ADAMTS17: variants seen among roughly 807,000 people sequenced by gnomAD.
The protein encoded by ADAMTS17 is ADAM metallopeptidase with thrombospondin type 1 motif 17, also known as A disintegrin and metalloproteinase with thrombospondin motifs 17.
ADAMTS17 carries 113 observed loss-of-function variants against 141.5 expected under a neutral mutation model. That is an observed-to-expected ratio of 0.80 (90% CI 0.69 to 0.93). The LOEUF (loss-of-function observed/expected upper bound fraction) is 0.93. ADAMTS17 is among the 40% of genes least tolerant of loss of function. The pLI is 0.00. For synonymous variants in ADAMTS17, 768 were observed against 630.6 expected (o/e 1.22, Z -3.27); for missense variants, 1,659 against 1,517.9 (o/e 1.09, Z -1.54).
chr15:100,075,191 A>T (rs1170348889), intron 15 of ADAMTS17, among the ~76,000 whole-genome samples: 1 of 152,194 alleles, frequency 6.6e-6, no homozygotes, highest in Non-Finnish European at 1.5e-5. Flanking sequence ...AACTTTTATT[A>T]TATCATTTTG....
intron 7 of ADAMTS17, among the ~76,000 whole-genome samples, chr15:100,208,562 G>A (rs774417852): frequency 3.4e-4 from 52 of 152,160 alleles, no homozygotes; most frequent in Non-Finnish European, 6.2e-4. Flanking sequence ...TGACCAGAAG[G>A]GGCATGAAGA....
chr15:100,283,310 G>C (rs11856404), intron 3 of ADAMTS17, among the ~76,000 whole-genome samples: 34,635 of 152,176 alleles, frequency 0.23, 5,416 homozygotes, highest in African/African-American at 0.44. Flanking sequence ...CTAGGTGGCT[G>C]TGCCTTTGCA....
intron 3 of ADAMTS17, among the ~76,000 whole-genome samples, chr15:100,290,878 C>A (rs538109021): frequency 2.0e-5 from 3 of 152,112 alleles, no homozygotes; most frequent in Admixed American, 2.0e-4. Context: ...AAATGTAAAA[C>A]CTAAAACTAT....
intron 6 of ADAMTS17, among the ~76,000 whole-genome samples, chr15:100,259,418 C>T (rs1009571492): frequency 6.6e-5 from 10 of 152,198 alleles, no homozygotes; most frequent in African/African-American, 1.9e-4. Context: ...TGAGCAACAG[C>T]GGCCTCTGGC....
Position 100,331,062 on chromosome 15 carries a change from G to A in ADAMTS17, c.451-8C>T. The A allele has an allele frequency of 6.8e-6, 11 of 1,614,162 alleles. No homozygotes were observed. Among genetic ancestry groups the A allele is most frequent in the Non-Finnish European group, 9.3e-6 (11 of 1,180,026 alleles). ...AAGCTGAATGAGGCCAACCTGTCCAGAAAGGAGAAGGAAACGCGATGTCGG... is the reference window on the plus strand; with the variant it reads ...AAGCTGAATGAGGCCAACCTGTCCAAAAAGGAGAAGGAAACGCGATGTCGG... On this transcript the variant is annotated splice_polypyrimidine_tract_variant and splice_region_variant and intron_variant, in intron 2 of 21. Transcript: ENST00000268070.
intron 6 of ADAMTS17, among the ~76,000 whole-genome samples, chr15:100,260,614 CAAA>C (rs5814957): frequency 1.7e-4 from 24 of 143,974 alleles, no homozygotes; most frequent in African/African-American, 4.6e-4. Flanking sequence ...GACTCCATCT[CAAA>C]AAAAAAAAAA....
Position 99,977,442 on chromosome 15 carries a change from C to T in ADAMTS17, c.2950-1220G>A, listed in dbSNP as rs550510392. 1.0e-4 allele frequency among the ~76,000 whole-genome samples: 11 copies of T among 104,846 alleles called. 1 individual carries two copies. Among genetic ancestry groups the T allele is most frequent in the South Asian group, 4.0e-4 (1 of 2,528 alleles). The allele number at this position is 104,846 out of a possible 152,430, so 68.8% of individuals were successfully genotyped here. ...TTTTTTTTTTTTTGAGATGGAGTCT[C>T]GCTTTATCACCCAGGCTGGAGTGCA... On this transcript the variant is annotated intron_variant, in intron 20 of 21. Transcript: ENST00000268070.
chr15:100,002,877 C>T (rs940275788), intron 18 of ADAMTS17, among the ~76,000 whole-genome samples: 2 of 151,866 alleles, frequency 1.3e-5, no homozygotes, highest in Non-Finnish European at 2.9e-5. Context: ...TACAATCTCC[C>T]TCCTTGTCAC....
intron 14 of ADAMTS17, among the ~76,000 whole-genome samples, chr15:100,100,295 T>TC (rs1438058078): frequency 6.6e-6 from 1 of 152,024 alleles, no homozygotes; most frequent in African/African-American, 2.4e-5. Flanking sequence ...AGTGGGTAGC[T>TC]CCCCCGGGGC....
At chr15:100,069,549 C>G (rs186879934) in intron 15 of ADAMTS17, among the ~76,000 whole-genome samples, 2,081 of 152,236 alleles carry the variant, frequency 0.014, 48 homozygotes, top group African/African-American at 0.046. Flanking sequence ...GATCTCTTGG[C>G]AGAAACTCTA....
At chr15:100,292,158 C>G (rs144802416) in intron 3 of ADAMTS17, among the ~76,000 whole-genome samples, 17 of 139,374 alleles carry the variant, frequency 1.2e-4, no homozygotes, top group East Asian at 4.8e-4. Flanking sequence ...GACACGCTCA[C>G]CCCGTGGGAA....
intron 4 of ADAMTS17, among the ~76,000 whole-genome samples, chr15:100,274,935 C>G (rs1462048914): frequency 6.6e-6 from 1 of 152,136 alleles, no homozygotes; most frequent in Non-Finnish European, 1.5e-5. Context: ...TTATAACACT[C>G]TAATCTGACT....
At chr15:100,014,403 T>G (rs937302987) in intron 18 of ADAMTS17, among the ~76,000 whole-genome samples, 5 of 152,194 alleles carry the variant, frequency 3.3e-5, no homozygotes, top group Non-Finnish European at 7.3e-5. Context: ...ATTTCCTTTC[T>G]TTTGCTGGGC....
At chr15:100,296,318 T>C (rs2044810121) in intron 3 of ADAMTS17, among the ~76,000 whole-genome samples, 1 of 152,112 alleles carries the variant, frequency 6.6e-6, no homozygotes, top group Non-Finnish European at 1.5e-5. Context: ...CCTTCTTAAC[T>C]GGAAATGATG....
chr15:100,255,867 C>T (rs1209460289), intron 6 of ADAMTS17, among the ~76,000 whole-genome samples: 3 of 152,206 alleles, frequency 2.0e-5, no homozygotes, highest in Non-Finnish European at 4.4e-5. Flanking sequence ...AATGGCTGCC[C>T]TGAGGGGAAA....
At chr15:100,326,813 G>C (rs7182739) in intron 3 of ADAMTS17, among the ~76,000 whole-genome samples, 27,976 of 152,126 alleles carry the variant, frequency 0.18, 3,940 homozygotes, top group African/African-American at 0.34. Flanking sequence ...TTAAAAAGAA[G>C]GGTTGACCTC....
chr15:100,252,699 G>T (rs1219810376), intron 7 of ADAMTS17, among the ~76,000 whole-genome samples: 2 of 152,162 alleles, frequency 1.3e-5, no homozygotes, highest in Admixed American at 6.5e-5. Context: ...TCCTTCACAC[G>T]GCCTTTGTCT....
chr15:100,131,873 C>T, intron 12 of ADAMTS17, 134 bp downstream of exon 12: 2 of 1,397,722 alleles, frequency 1.4e-6, no homozygotes, highest in Non-Finnish European at 9.9e-7. Context: ...CACCCTGGAC[C>T]TTGGCTGGGT....
chr15:100,222,772 C>T (rs898215393), intron 7 of ADAMTS17, among the ~76,000 whole-genome samples: 1 of 152,240 alleles, frequency 6.6e-6, no homozygotes, highest in Non-Finnish European at 1.5e-5. Flanking sequence ...GAAACTGTTC[C>T]GCCCATGATG....
Sources: allele counts gnomAD v4.1 joint callset (sites outside exome capture counted in the v4.1 genomes callset), GRCh38; gene constraint gnomAD v4.1.1; transcripts MANE v1.5; gene names NCBI Gene and HGNC (gene_info 2026-07-23, HGNC 2026-07-21).